NWD1: variants seen among roughly 807,000 people sequenced by gnomAD.
NWD1 encodes the protein NACHT and WD repeat domain containing 1, also known as NACHT domain- and WD repeat-containing protein 1.
A neutral mutation model predicts 135.1 loss-of-function variants in NWD1; 129 were observed. The ratio of observed to expected loss-of-function variants is 0.96; its 90% CI spans 0.83 to 1.11. NWD1 has a LOEUF of 1.11. Ranked by LOEUF, NWD1 falls within the 50% of genes least tolerant of loss-of-function variation. The probability of loss-of-function intolerance (pLI) is 0.00; values close to 1 mark genes in which losing one functional copy is unlikely to be tolerated. For synonymous variants in NWD1, 773 were observed against 786.0 expected (o/e 0.98, Z 0.28); for missense variants, 1,740 against 1,851.3 (o/e 0.94, Z 1.10).
intron 12 of NWD1, among the ~76,000 whole-genome samples, chr19:16,786,692 G>A (rs60581811): frequency 0.046 from 6,981 of 151,828 alleles, 517 homozygotes; most frequent in African/African-American, 0.16. Flanking sequence ...GATTACAGGC[G>A]CACACCACCA....
In NWD1 at chr19:16,750,087, T is replaced by A. The variant is rs750375059; in HGVS notation, c.1445T>A (p.Val482Glu). ...ALGVLDTLQR[V>E]LLDPEAYWEV... Reference sequence around the variant, plus strand: ...GGGGTTTTGGACACCTTGCAGCGGGTGCTCCTGGACCCGGAGGCCTACTGG... The same window carrying A: ...GGGGTTTTGGACACCTTGCAGCGGGAGCTCCTGGACCCGGAGGCCTACTGG... The change falls in exon 6 of 19, where the codon GTG (valine) becomes GAG (glutamate). Residue 482 changes from valine to glutamate, a missense_variant. Coordinates refer to ENST00000524140, the MANE Select transcript of NWD1 (RefSeq NM_001007525.5). The A allele has an allele frequency of 1.2e-6, 2 of 1,613,976 alleles. No homozygotes were observed. Among genetic ancestry groups the A allele is most frequent in the Admixed American group, 3.3e-5 (2 of 60,006 alleles).
At chr19:16,753,256 G>A (rs576876615) in intron 6 of NWD1, among the ~76,000 whole-genome samples, 2 of 152,278 alleles carry the variant, frequency 1.3e-5, no homozygotes, top group Non-Finnish European at 2.9e-5. Context: ...CTGTGACCAG[G>A]TGCCATCTTA....
In NWD1 at chr19:16,815,488, T is replaced by C. The variant is rs1971044130; in HGVS notation, c.*449T>C. 5 of 568,866 alleles carry C rather than the reference T, an allele frequency of 8.8e-6. No homozygotes were observed. In the East Asian group the frequency reaches 1.5e-4, roughly 17 times the overall value. 35.2% of individuals were successfully genotyped at this position (568,866 alleles called of 1,614,324 possible). A position where few individuals can be genotyped will look rare whatever the true frequency, so the allele number is the denominator to read the frequency against. On this transcript the variant is annotated 3_prime_UTR_variant, in exon 19 of 19. Coordinates refer to ENST00000524140, the MANE Select transcript of NWD1 (RefSeq NM_001007525.5). Reference sequence around the variant, plus strand: ...CTTGTCTCTTCTCATCTTTCCATTATTCTTTCCTCTTTTTCATTTTCATTC... The same window carrying C: ...CTTGTCTCTTCTCATCTTTCCATTACTCTTTCCTCTTTTTCATTTTCATTC...
At chr19:16,804,781 A>G (rs1488039076) in intron 17 of NWD1, among the ~76,000 whole-genome samples, 2 of 150,704 alleles carry the variant, frequency 1.3e-5, no homozygotes, top group African/African-American at 2.5e-5. Context: ...TTGTCCTCAC[A>G]TGGTAGAAAG....
At chr19:16,799,811 T>C in intron 16 of NWD1, 75 bp from the exon 17 acceptor site, 6 of 1,421,368 alleles carry the variant, frequency 4.2e-6, no homozygotes, top group South Asian at 1.4e-5. Context: ...CCTGGCCCAA[T>C]GGGCTGAAGC....
At chr19:16,804,791 G>A (rs1970703911) in intron 17 of NWD1, among the ~76,000 whole-genome samples, 2 of 147,732 alleles carry the variant, frequency 1.4e-5, no homozygotes, top group Admixed American at 1.3e-4. Flanking sequence ...ATGGTAGAAA[G>A]GGGCAAAGAA....
intron 11 of NWD1, among the ~76,000 whole-genome samples, chr19:16,778,860 GTTT>G (rs1969755561): frequency 6.6e-6 from 1 of 152,120 alleles, no homozygotes; most frequent in African/African-American, 2.4e-5. Flanking sequence ...TTGTTTCTGA[GTTT>G]TCTTCAACTA....
chr19:16,785,866 TA>T lies in NWD1; in HGVS notation c.2732-3113del, dbSNP rs59088099. The stretch of plus-strand genomic sequence containing the variant: ...TTTTGTGTCCATTGACTCTTTTTTT[TA>T]AATTTTTTTGTTTTTGAGATAGAGT... On this transcript the variant is annotated intron_variant, in intron 12 of 18. Coordinates refer to ENST00000524140, the MANE Select transcript of NWD1 (RefSeq NM_001007525.5). 2.3e-4 allele frequency among the ~76,000 whole-genome samples: 35 copies of T among 151,134 alleles called. 1 individual carries two copies. In the East Asian group the frequency reaches 6.6e-3, roughly 28 times the overall value.
intron 18 of NWD1, 67 bp downstream of exon 18, chr19:16,808,203 T>C (rs1280368360): frequency 1.4e-6 from 2 of 1,435,592 alleles, no homozygotes; most frequent in East Asian, 2.3e-5. Context: ...ATAGCCATCA[T>C]TTACTAAGCA....
At chr19:16,813,618 G>GGGCGCCCACCACCACACTCAGCTA (rs1568402162) in intron 18 of NWD1, among the ~76,000 whole-genome samples, 2 of 151,814 alleles carry the variant, frequency 1.3e-5, no homozygotes, top group East Asian at 3.9e-4. Flanking sequence ...CTGGGATTAC[G>GGGCGCCCACCACCACACTCAGCTA]GGCGCCCACC....
chr19:16,780,258 C>G (rs937605643), intron 12 of NWD1, among the ~76,000 whole-genome samples: 5 of 151,322 alleles, frequency 3.3e-5, no homozygotes, highest in African/African-American at 1.2e-4. Context: ...CAGGTTCACG[C>G]CATTCTCCTG....
chr19:16,754,122 C>G (rs1968687745), intron 6 of NWD1, among the ~76,000 whole-genome samples: 1 of 150,528 alleles, frequency 6.6e-6, no homozygotes, highest in Non-Finnish European at 1.5e-5. Context: ...TCTATCTATC[C>G]ATCATCTTGA....
intron 11 of NWD1, among the ~76,000 whole-genome samples, chr19:16,773,790 A>T (rs1381639329): frequency 6.6e-6 from 1 of 151,680 alleles, no homozygotes; most frequent in Non-Finnish European, 1.5e-5. Context: ...CCAACCATCT[A>T]TGCATCCATC....
chr19:16,790,100 A>G (rs147012763), intron 13 of NWD1, among the ~76,000 whole-genome samples: 415 of 152,128 alleles, frequency 2.7e-3, no homozygotes, highest in African/African-American at 9.3e-3. Context: ...ATCAATCATA[A>G]CCCTGTGATT....
intron 4 of NWD1, among the ~76,000 whole-genome samples, chr19:16,742,052 C>T (rs751486901): frequency 3.3e-5 from 5 of 152,014 alleles, no homozygotes; most frequent in African/African-American, 4.8e-5. Context: ...GCACGCCAGC[C>T]TGGGTGACAG....
intron 5 of NWD1, among the ~76,000 whole-genome samples, chr19:16,748,141 G>A (rs115169744): frequency 0.019 from 2,836 of 152,022 alleles, 99 homozygotes; most frequent in African/African-American, 0.065. Flanking sequence ...GCGGCATCAC[G>A]CTGGGCTAAT....
chr19:16,735,839 AAGGAAGGAAGGAAGGAAGGAAGG>A (rs1967780825), intron 3 of NWD1, among the ~76,000 whole-genome samples: 1 of 49,836 alleles, frequency 2.0e-5, no homozygotes, highest in Admixed American at 1.4e-4. Flanking sequence ...AGAAGGAAGG[AAGGAAGGAAGGAAGGAAGGAAGG>A]AAGGAGGAAG....
At chr19:16,794,896 G>A (rs531217447) in intron 15 of NWD1, among the ~76,000 whole-genome samples, 9 of 151,930 alleles carry the variant, frequency 5.9e-5, no homozygotes, top group African/African-American at 1.4e-4. Flanking sequence ...ATCCTCCCAC[G>A]TCAGCTTCCT....
In NWD1 at chr19:16,750,396, AC is replaced by A. The variant is rs1568351997; in HGVS notation, c.1755del (p.Tyr585Ter). The A allele has an allele frequency of 6.4e-7, 1 of 1,566,468 alleles. No homozygotes were observed. The highest frequency in any genetic ancestry group is 2.0e-5 in the Admixed American group (1 of 49,590). ...CTCCTCGTGGCCCACGTGCTGGGCT[AC>A]ATTGTGTCTTCCCGGTAAGTCTCTG... Reference protein sequence around the residue: ...GQLLVAHVLGYIVSSRHGLSE... With the variant: ...GQLLVAHVLGXIVSSRHGLSE... On this transcript the variant is annotated frameshift_variant, in exon 6 of 19. Transcript: ENST00000524140. LOFTEE classifies it high-confidence loss of function.
Sources: gnomAD v4.1 joint callset for allele counts (sites outside exome capture counted in the v4.1 genomes callset) on GRCh38, gnomAD v4.1.1 for gene constraint, MANE v1.5 for transcripts, NCBI Gene and HGNC (gene_info 2026-07-23, HGNC 2026-07-21) for gene names.